The following COL13A1 variants were observed in gnomAD, a reference collection of about 807,000 sequenced individuals.
COL13A1 encodes the protein collagen alpha-1(XIII) chain.
COL13A1 carries 89 observed loss-of-function variants against 130.9 expected under a neutral mutation model. The observed-to-expected ratio is 0.68, with a 90% CI of 0.57 to 0.81. The LOEUF is 0.81. Among genes scored for constraint, COL13A1 ranks in the 30% least tolerant of loss-of-function variants. The pLI is 0.00. For missense variants in COL13A1, 879 were observed against 934.6 expected, an observed-to-expected ratio of 0.94 and a Z score of 0.78; for synonymous variants, 402 against 341.6, an observed-to-expected ratio of 1.18 and a Z score of -1.95.
intron 2 of COL13A1, among the ~76,000 whole-genome samples, chr10:69,835,109 C>T (rs1343770291): frequency 6.6e-6 from 1 of 152,166 alleles, no homozygotes; most frequent in Non-Finnish European, 1.5e-5. Context: ...CACAATCCTG[C>T]CCGCAGCACA....
intron 3 of COL13A1, among the ~76,000 whole-genome samples, chr10:69,869,718 C>T (rs1226936995): frequency 2.6e-5 from 4 of 152,202 alleles, no homozygotes. Flanking sequence ...TAGTCAGTTA[C>T]TCCCAATCCA....
chr10:69,814,346 G>A (rs2132360635), intron 1 of COL13A1, among the ~76,000 whole-genome samples: 1 of 152,332 alleles, frequency 6.6e-6, no homozygotes, highest in South Asian at 2.1e-4. Context: ...GACATGGCAA[G>A]TGCAGGAAAC....
At chr10:69,945,854 C>G in intron 37 of COL13A1, 130 bp downstream of exon 37, 1 of 1,141,042 alleles carries the variant, frequency 8.8e-7, no homozygotes, top group Non-Finnish European at 1.3e-6. Flanking sequence ...GGGCGCATCA[C>G]GAGGTCAGGA....
chr10:69,934,581 C>A (rs2066581868), intron 31 of COL13A1, among the ~76,000 whole-genome samples: 1 of 152,224 alleles, frequency 6.6e-6, no homozygotes, highest in Non-Finnish European at 1.5e-5. Flanking sequence ...GTGAGCAGCT[C>A]AGAAGGACCC....
chr10:69,916,290 CTG>C (rs2063912433), intron 17 of COL13A1, among the ~76,000 whole-genome samples: 1 of 152,236 alleles, frequency 6.6e-6, no homozygotes, highest in Non-Finnish European at 1.5e-5. Context: ...TTGTCACACT[CTG>C]TGTTGCCCAT....
At chr10:69,891,623 C>T (rs1227743) in intron 10 of COL13A1, among the ~76,000 whole-genome samples, 12,431 of 152,208 alleles carry the variant, frequency 0.082, 660 homozygotes, top group Middle Eastern at 0.14. Context: ...TAGTGGAGAC[C>T]GAGGCAGGAA....
At chr10:69,893,896 T>A (rs77370497) in intron 10 of COL13A1, among the ~76,000 whole-genome samples, 3,466 of 152,302 alleles carry the variant, frequency 0.023, 128 homozygotes, top group African/African-American at 0.079. Context: ...CCAGCCTTGG[T>A]GCAGCCTCCT....
chr10:69,877,921 CT>C, intron 5 of COL13A1, 117 bp from the exon 6 acceptor site: 2 of 658,244 alleles, frequency 3.0e-6, no homozygotes, highest in Non-Finnish European at 5.6e-6. Flanking sequence ...GTGATTTCTT[CT>C]GTTTGGTTGT....
chr10:69,941,110 T>C, intron 35 of COL13A1, 87 bp downstream of exon 35: 1 of 1,596,134 alleles, frequency 6.3e-7, no homozygotes, highest in Non-Finnish European at 8.6e-7. Flanking sequence ...TGTGGCCTCA[T>C]TTTCCCAGTG....
At chr10:69,873,969 C>T (rs955627106) in intron 4 of COL13A1, among the ~76,000 whole-genome samples, 3 of 152,228 alleles carry the variant, frequency 2.0e-5, no homozygotes, top group Non-Finnish European at 2.9e-5. Flanking sequence ...GAGACAGCAT[C>T]ATGTGGCATC....
At chr10:69,826,023 T>A (rs569064773) in intron 2 of COL13A1, among the ~76,000 whole-genome samples, 1 of 152,304 alleles carries the variant, frequency 6.6e-6, no homozygotes, top group East Asian at 1.9e-4. Flanking sequence ...TTGCACAGCA[T>A]ATGGCCTGGT....
At chr10:69,902,936 T>C in intron 15 of COL13A1, 81 bp downstream of exon 15, 1 of 1,144,358 alleles carries the variant, frequency 8.7e-7, no homozygotes, top group Admixed American at 3.1e-5. Flanking sequence ...AGGCAGTGGG[T>C]CCCCTACAAA....
At chr10:69,955,493 A>G (rs1292628071) in intron 39 of COL13A1, 1 of 149,884 alleles carries the variant, frequency 6.7e-6, no homozygotes, top group East Asian at 2.0e-4. Flanking sequence ...TCTGTTCCTC[A>G]CCATACATTA....
At chr10:69,874,220 C>T (rs2059366118) in intron 4 of COL13A1, among the ~76,000 whole-genome samples, 1 of 152,186 alleles carries the variant, frequency 6.6e-6, no homozygotes, top group African/African-American at 2.4e-5. Context: ...GGTGGATGCT[C>T]ATTGTTCCTC....
intron 1 of COL13A1, among the ~76,000 whole-genome samples, chr10:69,812,338 C>A (rs1288278632): frequency 6.6e-6 from 1 of 152,172 alleles, no homozygotes; most frequent in African/African-American, 2.4e-5. Context: ...GCCTATGTGA[C>A]CTTGGGCAAG....
chr10:69,833,483 G>A (rs752348616), intron 2 of COL13A1, among the ~76,000 whole-genome samples: 3 of 152,174 alleles, frequency 2.0e-5, no homozygotes, highest in African/African-American at 4.8e-5. Context: ...GTTCAGTGCC[G>A]TGGGATGCAA....
intron 37 of COL13A1, among the ~76,000 whole-genome samples, chr10:69,946,776 CTGTGTTTTTT>C (rs1417710924): frequency 7.2e-5 from 11 of 152,116 alleles, no homozygotes; most frequent in South Asian, 2.1e-4. Context: ...AAAACCAGAA[CTGTGTTTTTT>C]TGTTTTTTGT....
chr10:69,844,435 A>G (rs959036352), intron 2 of COL13A1, among the ~76,000 whole-genome samples: 1 of 152,190 alleles, frequency 6.6e-6, no homozygotes, highest in Non-Finnish European at 1.5e-5. Context: ...GCCTGTGGAG[A>G]TACAGAGAGA....
At chr10:69,916,206 G>A (rs945985651) in intron 17 of COL13A1, among the ~76,000 whole-genome samples, 2 of 152,202 alleles carry the variant, frequency 1.3e-5, no homozygotes, top group African/African-American at 4.8e-5. Flanking sequence ...CTGCCTTTAA[G>A]CCTATGGGAA....
Sources: gnomAD v4.1 joint callset for allele counts (sites outside exome capture counted in the v4.1 genomes callset) on GRCh38, gnomAD v4.1.1 for gene constraint, MANE v1.5 for transcripts, NCBI Gene and HGNC (gene_info 2026-07-23, HGNC 2026-07-21) for gene names.